Variants in CTNNA3 observed in about 807,000 individuals in gnomAD.
The protein encoded by CTNNA3 is catenin alpha 3, also known as catenin alpha-3.
In CTNNA3, 76 loss-of-function variants were observed where a neutral mutation model predicts 95.7. The observed-to-expected ratio is 0.79, with a 90% CI of 0.66 to 0.96. The LOEUF (loss-of-function observed/expected upper bound fraction) is 0.96, where lower values mean the gene tolerates loss of function less well. Ranked by LOEUF, CTNNA3 falls within the 40% of genes least tolerant of loss-of-function variation. The probability of loss-of-function intolerance (pLI) is 0.00; values close to 1 mark genes in which losing one functional copy is unlikely to be tolerated. For missense variants in CTNNA3, 1,191 were observed against 1,089.8 expected (o/e 1.09, Z -1.31); for synonymous variants, 431 against 374.4 (o/e 1.15, Z -1.74).
intron 15 of CTNNA3, among the ~76,000 whole-genome samples, chr10:66,023,277 T>C (rs2079260613): frequency 6.6e-6 from 1 of 152,244 alleles, no homozygotes; most frequent in African/African-American, 2.4e-5. Context: ...TGTTTACTTA[T>C]GTTGCAACAG....
chr10:66,547,347 C>T (rs11597182), intron 10 of CTNNA3, among the ~76,000 whole-genome samples: 107,175 of 108,988 alleles, frequency 0.98, 52,769 homozygotes, highest in Middle Eastern at 1. Flanking sequence ...TTCTTTCTTT[C>T]TTTTTTTTTT....
At chr10:66,939,044 C>T (rs540890609) in intron 7 of CTNNA3, among the ~76,000 whole-genome samples, 1 of 152,114 alleles carries the variant, frequency 6.6e-6, no homozygotes, top group African/African-American at 2.4e-5. Context: ...TCCTCTCTTA[C>T]CCACACCAAG....
At chr10:66,402,085 G>A (rs1247552854) in intron 11 of CTNNA3, among the ~76,000 whole-genome samples, 1 of 152,112 alleles carries the variant, frequency 6.6e-6, no homozygotes, top group Admixed American at 6.6e-5. Context: ...CATCTCACAT[G>A]AATGTGAAAT....
intron 7 of CTNNA3, among the ~76,000 whole-genome samples, chr10:66,869,635 A>AAC (rs1844317893): frequency 2.0e-5 from 3 of 152,004 alleles, no homozygotes; most frequent in African/African-American, 7.2e-5. Flanking sequence ...TGCAGGAGGT[A>AAC]AGTAGTAGAG....
At chr10:66,941,453 C>T (rs1847989342) in intron 7 of CTNNA3, among the ~76,000 whole-genome samples, 1 of 152,120 alleles carries the variant, frequency 6.6e-6, no homozygotes, top group Admixed American at 6.6e-5. Flanking sequence ...GTAAAATTTA[C>T]AAATAAATCT....
chr10:66,504,101 T>C (rs187653707), intron 11 of CTNNA3, among the ~76,000 whole-genome samples: 1 of 152,246 alleles, frequency 6.6e-6, no homozygotes, highest in East Asian at 1.9e-4. Flanking sequence ...AAACTGACAA[T>C]ATATTGTTAT....
chr10:67,619,848 G>A (rs1418622674), intron 2 of CTNNA3, among the ~76,000 whole-genome samples: 3 of 152,016 alleles, frequency 2.0e-5, no homozygotes, highest in Non-Finnish European at 4.4e-5. Context: ...AAACTTCAGG[G>A]GTAGCTACAG....
At chr10:66,616,651 G>A (rs1164528364) in intron 10 of CTNNA3, among the ~76,000 whole-genome samples, 1 of 151,764 alleles carries the variant, frequency 6.6e-6, no homozygotes, top group Non-Finnish European at 1.5e-5. Flanking sequence ...TTTGTACACA[G>A]TAAGAACCAG....
chr10:66,310,499 C>G (rs1437342634), intron 12 of CTNNA3, among the ~76,000 whole-genome samples: 1 of 152,064 alleles, frequency 6.6e-6, no homozygotes, highest in Non-Finnish European at 1.5e-5. Flanking sequence ...TGGGTACATT[C>G]CATCAAGTGT....
At chr10:67,740,546 A>T (rs1018866079) in intron 1 of CTNNA3, among the ~76,000 whole-genome samples, 7 of 151,510 alleles carry the variant, frequency 4.6e-5, no homozygotes. Flanking sequence ...CGGCCAAAAA[A>T]CATATGAAAA....
intron 11 of CTNNA3, among the ~76,000 whole-genome samples, chr10:66,476,197 T>G (rs1005142238): frequency 1.5e-5 from 2 of 133,948 alleles, no homozygotes; most frequent in Non-Finnish European, 3.1e-5. Context: ...GAATGACACA[T>G]GAGTCTTATC....
intron 7 of CTNNA3, among the ~76,000 whole-genome samples, chr10:66,812,623 T>C (rs541462227): frequency 6.6e-6 from 1 of 152,256 alleles, no homozygotes; most frequent in East Asian, 1.9e-4. Flanking sequence ...GAGAATTAAA[T>C]ACGTTAGTAC....
chr10:67,728,089 T>A (rs988107847), intron 1 of CTNNA3, among the ~76,000 whole-genome samples: 1 of 143,204 alleles, frequency 7.0e-6, no homozygotes, highest in African/African-American at 2.6e-5. Context: ...TATTATATAA[T>A]ATGTAATATA....
chr10:67,359,353 A>G (rs529912060), intron 5 of CTNNA3, among the ~76,000 whole-genome samples: 1 of 152,184 alleles, frequency 6.6e-6, no homozygotes, highest in Admixed American at 6.5e-5. Context: ...CCTTCAAAAG[A>G]TCACACTACC....
intron 15 of CTNNA3, among the ~76,000 whole-genome samples, chr10:66,056,774 C>T (rs1298420899): frequency 1.3e-5 from 2 of 152,130 alleles, no homozygotes; most frequent in Non-Finnish European, 2.9e-5. Flanking sequence ...GTTAGGAACT[C>T]CTCCATTTCT....
At chr10:66,694,668 G>A (rs1004673101) in intron 9 of CTNNA3, among the ~76,000 whole-genome samples, 3 of 151,980 alleles carry the variant, frequency 2.0e-5, no homozygotes, top group Admixed American at 2.0e-4. Flanking sequence ...CAGGATATAC[G>A]AAAACAGGTA....
chr10:67,050,412 T>C (rs1310881335), intron 7 of CTNNA3, among the ~76,000 whole-genome samples: 1 of 152,100 alleles, frequency 6.6e-6, no homozygotes, highest in Non-Finnish European at 1.5e-5. Flanking sequence ...ATATAAGTAT[T>C]AGATTTCTCC....
intron 11 of CTNNA3, among the ~76,000 whole-genome samples, chr10:66,385,840 A>G (rs1219183981): frequency 2.0e-5 from 3 of 152,120 alleles, no homozygotes; most frequent in African/African-American, 7.2e-5. Flanking sequence ...ACAACAAAAA[A>G]CACATGATTA....
intron 11 of CTNNA3, among the ~76,000 whole-genome samples, chr10:66,499,872 C>G (rs1006793189): frequency 6.6e-6 from 1 of 151,058 alleles, no homozygotes; most frequent in Non-Finnish European, 1.5e-5. Context: ...GCACGATCTC[C>G]GCTCACTGCA....
Sources: gnomAD v4.1 joint callset for allele counts (sites outside exome capture counted in the v4.1 genomes callset) on GRCh38, gnomAD v4.1.1 for gene constraint, MANE v1.5 for transcripts, NCBI Gene and HGNC (gene_info 2026-07-23, HGNC 2026-07-21) for gene names.